The following TRAPPC12 variants were observed in gnomAD, a reference collection of about 807,000 sequenced individuals.
TRAPPC12 encodes trafficking protein particle complex subunit 12, also known as TPR repeat protein 15.
In TRAPPC12, 61 loss-of-function variants were observed where a neutral mutation model predicts 69.2. That is an observed-to-expected ratio of 0.88 (90% CI 0.72 to 1.09). The LOEUF (loss-of-function observed/expected upper bound fraction) is 1.09. Ranked by LOEUF, TRAPPC12 falls within the 50% of genes least tolerant of loss-of-function variation. TRAPPC12 has a pLI of 0.00. For synonymous variants in TRAPPC12, 469 were observed against 438.9 expected (o/e 1.07, Z -0.86); for missense variants, 1,101 against 1,016.4 (o/e 1.08, Z -1.13).
intron 6 of TRAPPC12, among the ~76,000 whole-genome samples, chr2:3,448,359 C>G (rs1664631042): frequency 6.6e-6 from 1 of 152,146 alleles, no homozygotes; most frequent in African/African-American, 2.4e-5. Flanking sequence ...CTTTGTAAAG[C>G]AGGGGCTCTA....
At chr2:3,429,680 C>CT (rs913918733) in intron 5 of TRAPPC12, among the ~76,000 whole-genome samples, 1 of 152,020 alleles carries the variant, frequency 6.6e-6, no homozygotes. Context: ...TTTTACTTTA[C>CT]TTTTTTTTCT....
chr2:3,390,422 A>G (rs1258194223), intron 2 of TRAPPC12, among the ~76,000 whole-genome samples: 3 of 152,246 alleles, frequency 2.0e-5, no homozygotes, highest in Non-Finnish European at 4.4e-5. Flanking sequence ...ATACTTCTAT[A>G]CATATACCAG....
chr2:3,424,601 G>A lies in TRAPPC12; in HGVS notation c.1355G>A (p.Gly452Glu), dbSNP rs1002246339. The change falls in exon 5 of 12, where the codon GGA becomes GAA. Residue 452 changes from glycine to glutamate, a missense_variant. By Grantham distance (98) the Gly-to-Glu change is moderately conservative (BLOSUM62 -2). Coordinates refer to ENST00000324266, the MANE Select transcript of TRAPPC12 (RefSeq NM_016030.6). ...QNAEMEFEPF[G>E]NLDQPDLYYE... Reference sequence around the variant, plus strand: ...GCTGAGATGGAATTTGAACCCTTCGGAAATCTTGATCAGCCAGATCTTTAT... The same window carrying A: ...GCTGAGATGGAATTTGAACCCTTCGAAAATCTTGATCAGCCAGATCTTTAT... 3 of 1,613,996 alleles carry A rather than the reference G, an allele frequency of 1.9e-6. No homozygotes were observed. In the African/African-American group the frequency reaches 4.0e-5, roughly 22 times the overall value.
chr2:3,386,039 G>A (rs1024535206), intron 1 of TRAPPC12, among the ~76,000 whole-genome samples: 8 of 152,218 alleles, frequency 5.3e-5, no homozygotes, highest in African/African-American at 1.7e-4. Context: ...TTGGATGAAT[G>A]TATAAGGGAA....
chr2:3,421,717 C>T (rs1469449444), intron 3 of TRAPPC12, 164 bp from the exon 4 acceptor site: 1 of 726,682 alleles, frequency 1.4e-6, no homozygotes, highest in Admixed American at 2.0e-5. Context: ...AAATGGCATG[C>T]CCCTCCGTGC....
At chr2:3,461,987 C>T (rs1665532377) in intron 8 of TRAPPC12, among the ~76,000 whole-genome samples, 1 of 152,238 alleles carries the variant, frequency 6.6e-6, no homozygotes, top group Non-Finnish European at 1.5e-5. Context: ...CAGTAGGCCT[C>T]CACCTGCTGA....
At chr2:3,466,745 C>G (rs1488629453) in intron 9 of TRAPPC12, among the ~76,000 whole-genome samples, 1 of 152,186 alleles carries the variant, frequency 6.6e-6, no homozygotes, top group Non-Finnish European at 1.5e-5. Context: ...CAGCAGATGA[C>G]TGTCACTGAA....
intron 3 of TRAPPC12, among the ~76,000 whole-genome samples, chr2:3,405,174 T>G (rs1661658520): frequency 7.0e-6 from 1 of 143,876 alleles, no homozygotes; most frequent in Non-Finnish European, 1.5e-5. Context: ...AGATGTCTTT[T>G]TTTGGGGGGG....
At chr2:3,391,808 A>G (rs143784042) in intron 2 of TRAPPC12, among the ~76,000 whole-genome samples, 50 of 151,004 alleles carry the variant, frequency 3.3e-4, no homozygotes, top group Middle Eastern at 6.8e-3. Flanking sequence ...GATGGCTTTC[A>G]TGTTCTGCTC....
At chr2:3,459,832 C>T in intron 7 of TRAPPC12, 1 of 291,476 alleles carries the variant, frequency 3.4e-6, no homozygotes, top group Non-Finnish European at 6.6e-6. Flanking sequence ...TGGGGCCCTC[C>T]GGGTGGCCTC....
intron 4 of TRAPPC12, 143 bp downstream of exon 4, chr2:3,422,137 T>C: frequency 1.4e-6 from 1 of 694,974 alleles, no homozygotes; most frequent in African/African-American, 1.8e-5. Flanking sequence ...TTGTATATAC[T>C]ATACTGGGGC....
intron 1 of TRAPPC12, among the ~76,000 whole-genome samples, chr2:3,385,211 G>C (rs562820459): frequency 6.6e-6 from 1 of 152,220 alleles, no homozygotes; most frequent in African/African-American, 2.4e-5. Context: ...GAAACCCTCA[G>C]ATCCTTACTT....
At chr2:3,396,140 C>T (rs1347026890) in intron 2 of TRAPPC12, among the ~76,000 whole-genome samples, 7 of 152,194 alleles carry the variant, frequency 4.6e-5, no homozygotes, top group Admixed American at 2.6e-4. Context: ...GCTGGGATTA[C>T]AGGCATGAGC....
chr2:3,471,175 G>T (rs573561045), intron 9 of TRAPPC12, among the ~76,000 whole-genome samples: 1 of 152,266 alleles, frequency 6.6e-6, no homozygotes, highest in African/African-American at 2.4e-5. Flanking sequence ...ATTTCAAAAC[G>T]TATTCTACTT....
At chr2:3,397,419 A>G (rs966214050) in intron 2 of TRAPPC12, among the ~76,000 whole-genome samples, 1 of 151,956 alleles carries the variant, frequency 6.6e-6, no homozygotes, top group Non-Finnish European at 1.5e-5. Flanking sequence ...GACTCTGTCC[A>G]TGGCAGACCC....
chr2:3,440,304 T>C lies in TRAPPC12; in HGVS notation c.1418-3475T>C, dbSNP rs138536741. Among the ~76,000 whole-genome samples the C allele has an allele frequency of 8.9e-3, 1,354 of 152,352 alleles. 16 individuals are homozygous for C. Among genetic ancestry groups the C allele is most frequent in the Non-Finnish European group, 0.011 (726 of 68,030 alleles). ...GTAAAGAACTGATATTTTAGCAGTA[T>C]TGTCTTCCTGTCCATGAATGTGGAA... On this transcript the variant is annotated intron_variant, in intron 5 of 11. Coordinates refer to ENST00000324266, the MANE Select transcript of TRAPPC12 (RefSeq NM_016030.6).
intron 11 of TRAPPC12, 96 bp from the exon 12 acceptor site, chr2:3,479,123 C>T: frequency 6.4e-7 from 1 of 1,553,942 alleles, no homozygotes; most frequent in Non-Finnish European, 8.7e-7. Context: ...CTCTGCACCA[C>T]CCCCAGGCCC....
chr2:3,451,732 C>T (rs1664861143), intron 6 of TRAPPC12, among the ~76,000 whole-genome samples: 1 of 152,122 alleles, frequency 6.6e-6, no homozygotes, highest in African/African-American at 2.4e-5. Context: ...CTCTGTTGCC[C>T]AGGCTGGTCT....
At chr2:3,407,178 T>C (rs1661778096) in intron 3 of TRAPPC12, among the ~76,000 whole-genome samples, 1 of 152,160 alleles carries the variant, frequency 6.6e-6, no homozygotes, top group Admixed American at 6.5e-5. Context: ...ACTTTAATGG[T>C]ATCATATGTA....
Sources: allele counts gnomAD v4.1 joint callset (sites outside exome capture counted in the v4.1 genomes callset), GRCh38; gene constraint gnomAD v4.1.1; transcripts MANE v1.5; gene names NCBI Gene and HGNC (gene_info 2026-07-23, HGNC 2026-07-21).